C4orf50: variants seen among roughly 807,000 people sequenced by gnomAD.
C4orf50 encodes the protein chromosome 4 open reading frame 50, also known as uncharacterized protein C4orf50.
A neutral mutation model predicts 77.2 loss-of-function variants in C4orf50; 80 were observed. The ratio of observed to expected loss-of-function variants is 1.04; its 90% confidence interval spans 0.87 to 1.25. The LOEUF (loss-of-function observed/expected upper bound fraction) is 1.25, where lower values mean the gene tolerates loss of function less well. Among genes scored for constraint, C4orf50 ranks in the 50% most tolerant of loss-of-function variants. The pLI is 0.00. For synonymous variants in C4orf50, 532 were observed against 465.3 expected (o/e 1.14, Z -1.84); for missense variants, 1,257 against 1,152.9 (o/e 1.09, Z -1.31).
At chr4:5,976,702 G>T (rs1577956854) in intron 29 of C4orf50, among the ~76,000 whole-genome samples, 2 of 152,332 alleles carry the variant, frequency 1.3e-5, no homozygotes, top group Middle Eastern at 6.8e-3. Flanking sequence ...TCATAGGAGT[G>T]CCCACCCACT....
At chr4:5,945,143 G>A (rs1039510800) in intron 7 of C4orf50, among the ~76,000 whole-genome samples, 1 of 152,172 alleles carries the variant, frequency 6.6e-6, no homozygotes, top group Admixed American at 6.5e-5. Flanking sequence ...GCCCTTCCTG[G>A]GAGGAGGAAG....
chr4:6,005,717 G>C (rs1722221470), intron 25 of C4orf50, among the ~76,000 whole-genome samples: 1 of 152,182 alleles, frequency 6.6e-6, no homozygotes, highest in African/African-American at 2.4e-5. Context: ...AAACAGAATG[G>C]CCAAGACATG....
chr4:5,902,090 G>A (rs186698499), intron 7 of C4orf50: 4 of 152,334 alleles, frequency 2.6e-5, no homozygotes, highest in Admixed American at 2.6e-4. Flanking sequence ...CTTGTTCCTT[G>A]AATGAGTGAA....
At chr4:6,014,995 G>A (rs2108815044) in intron 23 of C4orf50, among the ~76,000 whole-genome samples, 1 of 152,236 alleles carries the variant, frequency 6.6e-6, no homozygotes, top group East Asian at 1.9e-4. Context: ...GGAGTTCCCT[G>A]CCTGTCTTCC....
At chr4:5,980,476 C>G in intron 28 of C4orf50, 138 bp from the exon 7 acceptor site, 1 of 745,136 alleles carries the variant, frequency 1.3e-6, no homozygotes, top group Middle Eastern at 3.0e-4. Context: ...ATTTCTCTTA[C>G]AGTAAGTTTT....
At chr4:5,942,137 C>T (rs564043238) in intron 7 of C4orf50, among the ~76,000 whole-genome samples, 2 of 152,262 alleles carry the variant, frequency 1.3e-5, no homozygotes, top group South Asian at 4.2e-4. Context: ...TTGAAATCAT[C>T]AGAGGTGTGG....
chr4:5,943,396 C>A (rs1718345687), intron 7 of C4orf50, among the ~76,000 whole-genome samples: 1 of 152,182 alleles, frequency 6.6e-6, no homozygotes, highest in African/African-American at 2.4e-5. Flanking sequence ...ACTGGCTATG[C>A]ACCTTTGCAC....
intron 28 of C4orf50, among the ~76,000 whole-genome samples, chr4:5,980,813 C>T (rs577739407): frequency 6.6e-6 from 1 of 152,244 alleles, no homozygotes; most frequent in South Asian, 2.1e-4. Flanking sequence ...TATGCTAAAG[C>T]ATAATATATT....
chr4:5,982,325 T>G (rs1720634550), intron 28 of C4orf50, among the ~76,000 whole-genome samples: 1 of 151,986 alleles, frequency 6.6e-6, no homozygotes, highest in Non-Finnish European at 1.5e-5. Flanking sequence ...TGCTGTCCCA[T>G]GGGATCACCC....
chr4:5,918,366 A>G (rs1469892880), intron 7 of C4orf50, among the ~76,000 whole-genome samples: 1 of 152,196 alleles, frequency 6.6e-6, no homozygotes, highest in Non-Finnish European at 1.5e-5. Flanking sequence ...GTGCTGCTGG[A>G]ATTCAAACCT....
chr4:5,901,296 T>C lies in C4orf50; in HGVS notation c.*2475-3108A>G, dbSNP rs1181200086. 1.3e-5 allele frequency: 2 copies of C among 152,248 alleles called. No homozygotes were observed. The highest frequency in any genetic ancestry group is 2.9e-5 in the Non-Finnish European group (2 of 68,040). The allele number at this position is 152,248 out of a possible 1,614,324, so 9.4% of individuals were successfully genotyped here. On this transcript the variant is annotated intron_variant, in intron 7 of 7. Coordinates refer to the C4orf50 transcript ENST00000324058. This position sits in a 1 kb window ranked among gnomAD's most constrained non-coding sequence, Gnocchi z 4.4. ...ATGAGTAAAGTATATGCACAACATGTAATTCTGCAAAATGCCTTCCCATCC... is the reference window on the plus strand; with the variant it reads ...ATGAGTAAAGTATATGCACAACATGCAATTCTGCAAAATGCCTTCCCATCC...
At chr4:5,931,206 G>A (rs1717754076) in intron 7 of C4orf50, among the ~76,000 whole-genome samples, 2 of 152,290 alleles carry the variant, frequency 1.3e-5, no homozygotes, top group South Asian at 4.1e-4. Flanking sequence ...CAAAGTCCAG[G>A]CTACTTGGCT....
At chr4:5,945,567 G>A (rs540752901) in intron 7 of C4orf50, among the ~76,000 whole-genome samples, 3 of 152,224 alleles carry the variant, frequency 2.0e-5, no homozygotes, top group East Asian at 1.9e-4. Flanking sequence ...CTGTGGAGTC[G>A]GGGCAGTGGG....
intron 25 of C4orf50, 104 bp from the exon 4 acceptor site, chr4:5,994,580 T>G: frequency 5.0e-6 from 2 of 397,576 alleles, no homozygotes; most frequent in African/African-American, 2.1e-5. Context: ...CTTGAGTCTC[T>G]TCCACAGGTG....
intron 7 of C4orf50, among the ~76,000 whole-genome samples, chr4:5,937,167 G>A (rs553240236): frequency 3.3e-5 from 5 of 151,780 alleles, no homozygotes; most frequent in African/African-American, 4.8e-5. Context: ...AAGAAAGAAC[G>A]GCAACTAAAG....
chr4:5,963,984 T>C (rs563453405), intron 33 of C4orf50, among the ~76,000 whole-genome samples: 14 of 151,936 alleles, frequency 9.2e-5, no homozygotes, highest in South Asian at 2.1e-4. Flanking sequence ...GATTAGGGTC[T>C]TTAGGACCAA....
chr4:5,988,816 C>G (rs181795298), exon 28 of C4orf50: 180 of 1,536,082 alleles, frequency 1.2e-4, no homozygotes, highest in Non-Finnish European at 1.5e-4. Flanking sequence ...GTCTTCTATT[C>G]CTAGCACGAT....
chr4:5,993,091 TCAGGGGAGGAA>T (rs1476757493), intron 26 of C4orf50, among the ~76,000 whole-genome samples, 161 bp from the exon 5 acceptor site: 1 of 145,130 alleles, frequency 6.9e-6, no homozygotes, highest in Non-Finnish European at 1.5e-5. Context: ...AGCACCTTGG[TCAGGGGAGGAA>T]GCTGAGGCTC....
intron 33 of C4orf50, among the ~76,000 whole-genome samples, chr4:5,960,154 C>T (rs1366059468): frequency 6.6e-6 from 1 of 152,214 alleles, no homozygotes; most frequent in Non-Finnish European, 1.5e-5. Context: ...ATTCTAAATG[C>T]CTTCATTAAA....
Sources: gnomAD v4.1 joint callset for allele counts (sites outside exome capture counted in the v4.1 genomes callset) on GRCh38, gnomAD v4.1.1 for gene constraint, Gnocchi (gnomAD v3.1) non-coding constraint, MANE v1.5 for transcripts, NCBI Gene and HGNC (gene_info 2026-07-23, HGNC 2026-07-21) for gene names.